FNBP1L: variants seen among roughly 807,000 people sequenced by gnomAD.
FNBP1L encodes the protein formin-binding protein 1-like.
Under a neutral mutation model 91.2 loss-of-function variants are expected in FNBP1L, and 36 were observed. The observed-to-expected ratio is 0.39, with a 90% CI of 0.30 to 0.52. The LOEUF (loss-of-function observed/expected upper bound fraction) is 0.52, where lower values mean the gene tolerates loss of function less well. FNBP1L is among the 20% of genes least tolerant of loss of function. The pLI, the probability that FNBP1L is intolerant of heterozygous loss-of-function variation, is 0.66. For missense variants in FNBP1L, 571 were observed against 732.1 expected (o/e 0.78, Z 2.54); for synonymous variants, 242 against 237.0 (o/e 1.02, Z -0.19).
chr1:93,523,291 C>T, intron 3 of FNBP1L, 53 bp from the exon 4 acceptor site: 5 of 1,535,100 alleles, frequency 3.3e-6, no homozygotes, highest in Non-Finnish European at 3.5e-6. Flanking sequence ...ACCTCACCAA[C>T]ATTTGTAATG....
At chr1:93,524,982 A>G (rs1407997952) in intron 5 of FNBP1L, among the ~76,000 whole-genome samples, 1 of 151,960 alleles carries the variant, frequency 6.6e-6, no homozygotes, top group Non-Finnish European at 1.5e-5. Flanking sequence ...GCTCTCGTAT[A>G]TAATTTGTAA....
chr1:93,532,808 G>C, intron 7 of FNBP1L, 114 bp from the exon 8 acceptor site: 1 of 705,584 alleles, frequency 1.4e-6, no homozygotes, highest in Non-Finnish European at 2.2e-6. Flanking sequence ...ATTAACAACA[G>C]TGTAACTATG....
At chr1:93,449,648 C>T (rs1230831203) in intron 1 of FNBP1L, among the ~76,000 whole-genome samples, 1 of 152,190 alleles carries the variant, frequency 6.6e-6, no homozygotes, top group Non-Finnish European at 1.5e-5. Flanking sequence ...AGTGCTTACC[C>T]AGTCTGAAAA....
chr1:93,493,989 A>G (rs767782691), intron 1 of FNBP1L, among the ~76,000 whole-genome samples: 29 of 152,138 alleles, frequency 1.9e-4, no homozygotes, highest in Non-Finnish European at 2.8e-4. Context: ...TTACAGTTCA[A>G]TTTTGTCACT....
chr1:93,459,793 C>T (rs952573910), intron 1 of FNBP1L, among the ~76,000 whole-genome samples: 1 of 152,166 alleles, frequency 6.6e-6, no homozygotes, highest in Non-Finnish European at 1.5e-5. Flanking sequence ...ACATTATTCA[C>T]ACTAGTCAAG....
chr1:93,549,287 A>C lies in FNBP1L; in HGVS notation c.1512A>C (p.Gly504=). ...LVTQGRESPE[G]SYTDDANQEV... ...ATTTTTTGTTTTATAGTCCTGAGGG[A>C]AGTTACACTGATGATGCAAACCAGG... Residue 504 remains glycine, a synonymous_variant, in exon 15 of 17, where the codon GGA becomes GGC. Transcript: ENST00000271234. The C allele has an allele frequency of 6.2e-7, 1 of 1,610,074 alleles. No individual in the cohort carries two copies. The highest frequency in any genetic ancestry group is 2.2e-5 in the East Asian group (1 of 44,818).
At chr1:93,498,692 A>G (rs1359005966) in intron 1 of FNBP1L, among the ~76,000 whole-genome samples, 1 of 152,200 alleles carries the variant, frequency 6.6e-6, no homozygotes, top group Non-Finnish European at 1.5e-5. Context: ...TCTTAAAGCA[A>G]GGGAAATGAT....
At chr1:93,539,471 A>G (rs1170505535) in intron 10 of FNBP1L, among the ~76,000 whole-genome samples, 1 of 151,970 alleles carries the variant, frequency 6.6e-6, no homozygotes, top group Non-Finnish European at 1.5e-5. Flanking sequence ...TCTAATTATC[A>G]AATTTCCAAT....
intron 1 of FNBP1L, among the ~76,000 whole-genome samples, chr1:93,489,271 A>C (rs1461517054): frequency 6.6e-6 from 1 of 152,068 alleles, no homozygotes; most frequent in African/African-American, 2.4e-5. Context: ...ATAAAGGTGG[A>C]TATGACGACA....
At chr1:93,521,242 A>C (rs1671314321) in intron 2 of FNBP1L, among the ~76,000 whole-genome samples, 1 of 152,208 alleles carries the variant, frequency 6.6e-6, no homozygotes, top group South Asian at 2.1e-4. Flanking sequence ...GTTACAAGTC[A>C]GAATATAATT....
chr1:93,539,985 A>G (rs1467789524), intron 10 of FNBP1L, among the ~76,000 whole-genome samples: 4 of 152,144 alleles, frequency 2.6e-5, no homozygotes, highest in African/African-American at 9.7e-5. Context: ...AGGGAAAAGT[A>G]AAAATTTTAC....
chr1:93,523,209 G>T, intron 3 of FNBP1L, 135 bp from the exon 4 acceptor site: 1 of 792,032 alleles, frequency 1.3e-6, no homozygotes, highest in Non-Finnish European at 1.9e-6. Context: ...TCCATATGAA[G>T]TTAATTTAGA....
intron 4 of FNBP1L, among the ~76,000 whole-genome samples, chr1:93,523,954 A>G (rs1318889504): frequency 6.6e-6 from 1 of 152,178 alleles, no homozygotes; most frequent in African/African-American, 2.4e-5. Context: ...TGCAATATTT[A>G]TCTGACCTTG....
chr1:93,494,794 C>T (rs977048344), intron 1 of FNBP1L, among the ~76,000 whole-genome samples: 6 of 152,190 alleles, frequency 3.9e-5, no homozygotes, highest in African/African-American at 1.2e-4. Context: ...GTTAGTTCCA[C>T]ATGGCTGAGG....
intron 1 of FNBP1L, among the ~76,000 whole-genome samples, chr1:93,465,486 G>A (rs371053384): frequency 6.6e-6 from 1 of 152,022 alleles, no homozygotes; most frequent in Non-Finnish European, 1.5e-5. Context: ...AGTTTGCTCA[G>A]AGTGATGGTT....
chr1:93,450,853 T>G (rs953474007), intron 1 of FNBP1L, among the ~76,000 whole-genome samples: 7 of 152,238 alleles, frequency 4.6e-5, no homozygotes, highest in African/African-American at 9.6e-5. Context: ...TTTTAATGCT[T>G]CTTAAGTCTT....
chr1:93,453,012 A>G lies in FNBP1L; in HGVS notation c.24+4707A>G, dbSNP rs145597600. On this transcript the variant is annotated intron_variant, in intron 1 of 16. Coordinates refer to ENST00000271234, the MANE Select transcript of FNBP1L (RefSeq NM_001164473.3). The stretch of plus-strand genomic sequence containing the variant: ...AACTCCAAAATACTTCCCTACATTG[A>G]TACCACTGCCCAGAATGCCCTCTGT... 1.9e-3 allele frequency among the ~76,000 whole-genome samples: 291 copies of G among 152,302 alleles called. 2 individuals carry two copies. The highest frequency in any genetic ancestry group is 6.7e-3 in the African/African-American group (280 of 41,564).
chr1:93,547,715 C>T (rs1035072361), intron 14 of FNBP1L, among the ~76,000 whole-genome samples: 6 of 152,020 alleles, frequency 3.9e-5, no homozygotes, highest in Admixed American at 2.6e-4. Flanking sequence ...CTAGGCTCCT[C>T]GGGCATGGGA....
chr1:93,549,731 A>C (rs930847318), intron 15 of FNBP1L, among the ~76,000 whole-genome samples: 1 of 152,206 alleles, frequency 6.6e-6, no homozygotes, highest in Non-Finnish European at 1.5e-5. Context: ...GTCCTAAACA[A>C]AGTCGAGGCA....
Sources: allele counts gnomAD v4.1 joint callset (sites outside exome capture counted in the v4.1 genomes callset), GRCh38; gene constraint gnomAD v4.1.1; transcripts MANE v1.5; gene names NCBI Gene and HGNC (gene_info 2026-07-23, HGNC 2026-07-21).